The following AXDND1 variants were observed in gnomAD, a reference collection of about 807,000 sequenced individuals.
The protein encoded by AXDND1 is axonemal dynein light chain domain-containing protein 1.
A neutral mutation model predicts 137.5 loss-of-function variants in AXDND1; 110 were observed. The observed-to-expected ratio is 0.80, with a 90% confidence interval of 0.69 to 0.94. The LOEUF (loss-of-function observed/expected upper bound fraction) is 0.94, where lower values mean the gene tolerates loss of function less well. Ranked by LOEUF, AXDND1 falls within the 40% of genes least tolerant of loss-of-function variation. The pLI is 0.00. For synonymous variants in AXDND1, 414 were observed against 399.7 expected (o/e 1.04, Z -0.43); for missense variants, 1,191 against 1,169.8 (o/e 1.02, Z -0.26).
intron 20 of AXDND1, among the ~76,000 whole-genome samples, chr1:179,493,273 T>C (rs1172090001): frequency 3.3e-5 from 5 of 152,206 alleles, no homozygotes; most frequent in Admixed American, 6.5e-5. Flanking sequence ...TACTTTTTTT[T>C]CTCTGACTTA....
intron 12 of AXDND1, among the ~76,000 whole-genome samples, chr1:179,413,933 G>A (rs775405580): frequency 6.6e-5 from 10 of 151,362 alleles, no homozygotes; most frequent in South Asian, 4.2e-4. Context: ...AATAATAGCC[G>A]TTCTGACTGG....
intron 15 of AXDND1, among the ~76,000 whole-genome samples, chr1:179,438,171 A>AATAAATAC (rs113563095): frequency 6.5e-4 from 98 of 151,432 alleles, no homozygotes; most frequent in Admixed American, 1.6e-3. Context: ...TAAATAAATA[A>AATAAATAC]ATAAATAAAT....
intron 16 of AXDND1, chr1:179,452,988 A>AG (rs1265252557): frequency 6.6e-6 from 1 of 152,238 alleles, no homozygotes; most frequent in African/African-American, 2.4e-5. Context: ...TGTGGCTGAA[A>AG]GGGGCCAACA....
At chr1:179,446,819 G>T (rs76910626) in intron 16 of AXDND1, among the ~76,000 whole-genome samples, 3,544 of 141,830 alleles carry the variant, frequency 0.025, 134 homozygotes, top group African/African-American at 0.084. Context: ...TTTCTTGATA[G>T]TGTCCTTTTT....
At chr1:179,429,679 C>T (rs1178260199) in intron 13 of AXDND1, 60 bp downstream of exon 13, 2 of 895,986 alleles carry the variant, frequency 2.2e-6, no homozygotes, top group Non-Finnish European at 3.3e-6. Flanking sequence ...AGGGTTGAGA[C>T]TGTAAGATGC....
chr1:179,534,198 C>T (rs1671296497), intron 24 of AXDND1, among the ~76,000 whole-genome samples: 1 of 152,148 alleles, frequency 6.6e-6, no homozygotes, highest in Non-Finnish European at 1.5e-5. Context: ...AACTATTGTG[C>T]TTGGGAAAGA....
At chr1:179,368,765 A>G (rs776076004) in intron 2 of AXDND1, 35 bp from the exon 3 acceptor site, 5 of 1,532,962 alleles carry the variant, frequency 3.3e-6, no homozygotes, top group South Asian at 2.4e-5. Context: ...AAAAAAATAT[A>G]TAGTAAGAGT....
chr1:179,436,150 C>T (rs1452430779), intron 15 of AXDND1, among the ~76,000 whole-genome samples: 1 of 152,138 alleles, frequency 6.6e-6, no homozygotes, highest in Non-Finnish European at 1.5e-5. Flanking sequence ...TGAGATACAT[C>T]TCATGCCAGT....
intron 15 of AXDND1, among the ~76,000 whole-genome samples, chr1:179,438,984 C>T (rs539378403): frequency 4.0e-5 from 6 of 151,844 alleles, no homozygotes; most frequent in African/African-American, 1.2e-4. Context: ...GCAATCTGGG[C>T]GGCAGACTGG....
intron 21 of AXDND1, among the ~76,000 whole-genome samples, chr1:179,520,267 G>A (rs1410585): frequency 0.32 from 48,299 of 151,988 alleles, 8,321 homozygotes; most frequent in Middle Eastern, 0.43. Flanking sequence ...TTGTTTATCA[G>A]CTTAAGAAGC....
chr1:179,534,575 C>G, intron 24 of AXDND1, 155 bp from the exon 25 acceptor site: 1 of 905,138 alleles, frequency 1.1e-6, no homozygotes, highest in Non-Finnish European at 1.6e-6. Context: ...TCCTGGGCCC[C>G]CAGTTCTCAG....
chr1:179,447,694 G>T, intron 16 of AXDND1: 1 of 1,347,986 alleles, frequency 7.4e-7, no homozygotes, highest in Non-Finnish European at 1.1e-6. Context: ...TGGTGGAGGG[G>T]GAGACTTTGT....
intron 25 of AXDND1, among the ~76,000 whole-genome samples, chr1:179,537,213 C>A (rs890099828): frequency 1.3e-5 from 2 of 152,186 alleles, no homozygotes; most frequent in Non-Finnish European, 2.9e-5. Context: ...CTTTCTCTTG[C>A]CTGATTGCCC....
rs1647829760 is a variant in AXDND1 at position 179,379,415 on chromosome 1, A to G, written c.514A>G (p.Thr172Ala). ...VPHKPKTLTD[T>A]LIPEEFHIVS... Reference sequence around the variant, plus strand: ...TTTTAAGCCAAAGACACTAACAGATACTTTGATTCCTGAAGAATTTCATAT... The same window carrying G: ...TTTTAAGCCAAAGACACTAACAGATGCTTTGATTCCTGAAGAATTTCATAT... The change falls in exon 6 of 26, where the codon ACT becomes GCT. Residue 172 changes from threonine to alanine, a missense_variant. Thr to Ala is a moderately conservative substitution (Grantham distance 58, BLOSUM62 0). Transcript: ENST00000367618. 2 of 1,613,740 alleles carry G rather than the reference A, an allele frequency of 1.2e-6. No homozygotes were observed. The highest frequency in any genetic ancestry group is 1.1e-5 in the South Asian group (1 of 91,068).
At chr1:179,517,652 G>T (rs956985808) in intron 21 of AXDND1, among the ~76,000 whole-genome samples, 1 of 152,164 alleles carries the variant, frequency 6.6e-6, no homozygotes, top group Non-Finnish European at 1.5e-5. Flanking sequence ...CCTGTATTTT[G>T]CTCGGCTCTC....
At chr1:179,531,292 A>G (rs1039226459) in intron 23 of AXDND1, among the ~76,000 whole-genome samples, 2 of 152,194 alleles carry the variant, frequency 1.3e-5, no homozygotes, top group East Asian at 1.9e-4. Context: ...ATTTATAGGC[A>G]TAATTAGGGA....
At chr1:179,540,736 C>G (rs1032610497) in intron 25 of AXDND1, among the ~76,000 whole-genome samples, 3 of 152,230 alleles carry the variant, frequency 2.0e-5, no homozygotes, top group Non-Finnish European at 4.4e-5. Context: ...GGGAGAACCA[C>G]TGCTCTCTTC....
chr1:179,510,831 T>C (rs1368195458), intron 21 of AXDND1, among the ~76,000 whole-genome samples: 2 of 152,162 alleles, frequency 1.3e-5, no homozygotes, highest in Non-Finnish European at 2.9e-5. Flanking sequence ...TTCTGAGATT[T>C]TGGTGCACCC....
At chr1:179,432,395 G>T (rs2125316782) in intron 15 of AXDND1, 53 bp downstream of exon 15, 1 of 1,485,346 alleles carries the variant, frequency 6.7e-7, no homozygotes, top group Admixed American at 2.5e-5. Flanking sequence ...TGTAAACTTG[G>T]CATTCCGGAC....
Sources: gnomAD v4.1 joint callset for allele counts (sites outside exome capture counted in the v4.1 genomes callset) on GRCh38, gnomAD v4.1.1 for gene constraint, MANE v1.5 for transcripts, NCBI Gene and HGNC (gene_info 2026-07-23, HGNC 2026-07-21) for gene names.